Variants in NALCN observed in about 807,000 individuals in gnomAD.
NALCN encodes the protein sodium leak channel NALCN.
A neutral mutation model predicts 225.3 loss-of-function variants in NALCN; 111 were observed. The observed-to-expected ratio is 0.49, with a 90% CI of 0.42 to 0.58. The LOEUF is 0.58. Among genes scored for constraint, NALCN ranks in the 20% least tolerant of loss-of-function variants. NALCN has a pLI of 0.00. For synonymous variants in NALCN, 764 were observed against 769.0 expected (o/e 0.99, Z 0.11); for missense variants, 1,378 against 2,202.4 (o/e 0.63, Z 7.49).
chr13:101,198,293 G>A (rs1235689124), intron 13 of NALCN, among the ~76,000 whole-genome samples: 1 of 152,136 alleles, frequency 6.6e-6, no homozygotes, highest in Non-Finnish European at 1.5e-5. Context: ...TGACAAATGG[G>A]ATCTAATTAA....
At chr13:101,361,498 A>C (rs1392340832) in intron 6 of NALCN, among the ~76,000 whole-genome samples, 1 of 152,180 alleles carries the variant, frequency 6.6e-6, no homozygotes, top group Non-Finnish European at 1.5e-5. Context: ...TTATTCAAAC[A>C]TTTTGGACAC....
At chr13:101,256,508 T>C (rs2042233387) in intron 11 of NALCN, among the ~76,000 whole-genome samples, 1 of 152,224 alleles carries the variant, frequency 6.6e-6, no homozygotes, top group Non-Finnish European at 1.5e-5. Context: ...GGTATCACTG[T>C]AAATCCATAG....
Position 101,386,865 on chromosome 13 carries a change from T to C in NALCN, c.292-8212A>G, listed in dbSNP as rs1438952433. Among the ~76,000 whole-genome samples, 8 of 152,140 alleles carry C rather than the reference T, an allele frequency of 5.3e-5. No individual in the cohort carries two copies. In the East Asian group the frequency reaches 1.5e-3, roughly 29 times the overall value. Reference sequence around the variant, plus strand: ...GACAGCTGGGCAAAAATACATTGGTTTGCTTCTATAAATATTTTCTTATGG... The same window carrying C: ...GACAGCTGGGCAAAAATACATTGGTCTGCTTCTATAAATATTTTCTTATGG... On this transcript the variant is annotated intron_variant, in intron 3 of 43. Coordinates refer to ENST00000251127, the MANE Select transcript of NALCN (RefSeq NM_052867.4).
At chr13:101,400,501 T>C (rs1185434874) in intron 1 of NALCN, among the ~76,000 whole-genome samples, 3 of 151,686 alleles carry the variant, frequency 2.0e-5, no homozygotes, top group East Asian at 2.0e-4. Context: ...CCAAGCACAA[T>C]GGGTGCCACT....
At chr13:101,311,985 G>T (rs1437037551) in intron 7 of NALCN, among the ~76,000 whole-genome samples, 1 of 151,224 alleles carries the variant, frequency 6.6e-6, no homozygotes, top group Non-Finnish European at 1.5e-5. Context: ...GAATCCATCT[G>T]GTCCCGGACT....
intron 3 of NALCN, among the ~76,000 whole-genome samples, chr13:101,380,896 CCAT>C (rs2046831637): frequency 4.3e-5 from 6 of 139,486 alleles, no homozygotes. Flanking sequence ...ACACACACCA[CCAT>C]CACCACCACC....
chr13:101,176,542 T>C (rs939435118), intron 14 of NALCN, among the ~76,000 whole-genome samples, 168 bp from the exon 15 acceptor site: 1 of 152,186 alleles, frequency 6.6e-6, no homozygotes, highest in Non-Finnish European at 1.5e-5. Flanking sequence ...TTATCACAAA[T>C]ACATGAAATA....
chr13:101,385,301 C>T (rs2210793), intron 3 of NALCN, among the ~76,000 whole-genome samples: 11,071 of 152,096 alleles, frequency 0.073, 755 homozygotes, highest in African/African-American at 0.18. Flanking sequence ...ACCACACTTA[C>T]TCATCCTTCA....
At chr13:101,399,331 T>C (rs887585410) in intron 1 of NALCN, among the ~76,000 whole-genome samples, 166 bp from the exon 2 acceptor site, 1 of 152,210 alleles carries the variant, frequency 6.6e-6, no homozygotes, top group Admixed American at 6.5e-5. Flanking sequence ...GATAAATTAA[T>C]ACCAACAGAA....
chr13:101,356,954 G>A (rs1005414585), intron 6 of NALCN, among the ~76,000 whole-genome samples: 1 of 152,134 alleles, frequency 6.6e-6, no homozygotes, highest in Non-Finnish European at 1.5e-5. Context: ...ATTCTCAATA[G>A]ATGCAGAAAA....
chr13:101,065,408 G>A lies in NALCN; in HGVS notation c.4600C>T (p.Leu1534=), dbSNP rs2032292589. 6.2e-7 allele frequency: 1 copy of A among 1,613,984 alleles called. No homozygotes were observed. Among genetic ancestry groups the A allele is most frequent in the Non-Finnish European group, 8.5e-7 (1 of 1,179,982 alleles). The change falls in exon 40 of 44, where the codon CTG becomes TTG. Residue 1534 remains leucine (L), a synonymous_variant. Coordinates refer to ENST00000251127, the MANE Select transcript of NALCN (RefSeq NM_052867.4). ...NGGDVTFHDV[L]SMLSYRSVDI... Reference sequence around the variant, plus strand: ...CTGCGAAAGCCTGCCTTGTACCTCAGGACATCATGGAAGGTGACGTCGCCG... The same window carrying A: ...CTGCGAAAGCCTGCCTTGTACCTCAAGACATCATGGAAGGTGACGTCGCCG...
rs569367367 is a variant in NALCN, at chr13:101,176,288, C to G, written c.1839+12G>C. The G allele has an allele frequency of 6.5e-7, 1 of 1,527,898 alleles. No individual in the cohort carries two copies. Among genetic ancestry groups the G allele is most frequent in the Non-Finnish European group, 8.7e-7 (1 of 1,144,054 alleles). The allele number at this position is 1,527,898 out of a possible 1,614,324, so 94.6% of individuals were successfully genotyped here. On this transcript the variant is annotated intron_variant, in intron 15 of 43. Transcript: ENST00000251127. Reference sequence around the variant, plus strand: ...TGTCCTTTTTAAAAAAAATCCCCCACACACTACTTACTTGTTTAAGCTTCT... The same window carrying G: ...TGTCCTTTTTAAAAAAAATCCCCCAGACACTACTTACTTGTTTAAGCTTCT...
intron 34 of NALCN, among the ~76,000 whole-genome samples, chr13:101,077,000 T>C (rs1009275238): frequency 3.9e-5 from 6 of 152,172 alleles, no homozygotes; most frequent in Non-Finnish European, 8.8e-5. Flanking sequence ...ATTGAATCAC[T>C]GGGGTGGTTT....
At chr13:101,263,233 A>G (rs1462207348) in intron 10 of NALCN, among the ~76,000 whole-genome samples, 1 of 152,182 alleles carries the variant, frequency 6.6e-6, no homozygotes, top group Non-Finnish European at 1.5e-5. Context: ...TACAAAAATC[A>G]AATTCCAGAG....
intron 15 of NALCN, among the ~76,000 whole-genome samples, chr13:101,146,831 G>A: frequency 6.6e-6 from 1 of 152,168 alleles, no homozygotes; most frequent in South Asian, 2.1e-4. Context: ...TAACTGGGTA[G>A]ATAGTTCTAT....
intron 7 of NALCN, among the ~76,000 whole-genome samples, chr13:101,309,514 C>A (rs1053469856): frequency 5.9e-5 from 9 of 152,148 alleles, no homozygotes; most frequent in African/African-American, 2.2e-4. Flanking sequence ...TCATTGGCCA[C>A]TTCAGCACAT....
intron 7 of NALCN, among the ~76,000 whole-genome samples, chr13:101,332,988 T>C (rs1156594751): frequency 6.6e-6 from 1 of 152,260 alleles, no homozygotes. Context: ...TCTTGTTTTA[T>C]TTTAATATCT....
chr13:101,416,496 C>T lies in NALCN; in HGVS notation c.-223G>A, dbSNP rs987551867. On this transcript the variant is annotated 5_prime_UTR_variant, in exon 1 of 44. Transcript: ENST00000251127. ...GGCTGGGGCCGCGGCTCACGCTCGCCGTGTCACTCACTGAGCGCCGCCGCC... is the reference window on the plus strand; with the variant it reads ...GGCTGGGGCCGCGGCTCACGCTCGCTGTGTCACTCACTGAGCGCCGCCGCC... 6.6e-6 allele frequency: 1 copy of T among 151,760 alleles called. No individual in the cohort carries two copies. The highest frequency in any genetic ancestry group is 6.6e-5 in the Admixed American group (1 of 15,230). The allele number at this position is 151,760 out of a possible 1,614,324, so 9.4% of individuals were successfully genotyped here.
chr13:101,292,871 T>G lies in NALCN; in HGVS notation c.800-505A>C, dbSNP rs1057259629. 6.6e-5 allele frequency among the ~76,000 whole-genome samples: 10 copies of G among 152,196 alleles called. No homozygotes were observed. The highest frequency in any genetic ancestry group is 2.4e-4 in the African/African-American group (10 of 41,442). ...TGATATGATGGAGCTTGTCTTTGGA[T>G]TCCATGGTGTTACCGAACACCAGAA... On this transcript the variant is annotated intron_variant, in intron 7 of 43. Coordinates refer to ENST00000251127, the MANE Select transcript of NALCN (RefSeq NM_052867.4). The surrounding 1 kb of genome is among the most constrained non-coding windows in gnomAD (Gnocchi z 4.3).
Sources: allele counts gnomAD v4.1 joint callset (sites outside exome capture counted in the v4.1 genomes callset), GRCh38; gene constraint gnomAD v4.1.1; non-coding constraint Gnocchi (gnomAD v3.1); transcripts MANE v1.5; gene names NCBI Gene and HGNC (gene_info 2026-07-23, HGNC 2026-07-21).